Variants in NXPE1 observed in about 807,000 individuals in gnomAD.
NXPE1 encodes the protein NXPE family member 1.
NXPE1 carries 31 observed loss-of-function variants against 33.3 expected under a neutral mutation model. The ratio of observed to expected loss-of-function variants is 0.93; its 90% CI spans 0.70 to 1.26. The LOEUF is 1.26. Among genes scored for constraint, NXPE1 ranks in the 50% most tolerant of loss-of-function variants. NXPE1 has a pLI of 0.00. For missense variants in NXPE1, 661 were observed against 655.6 expected (o/e 1.01, Z -0.09); for synonymous variants, 229 against 231.4 (o/e 0.99, Z 0.09).
intron 7 of NXPE1, among the ~76,000 whole-genome samples, chr11:114,524,549 A>G (rs971927506): frequency 1.3e-5 from 2 of 152,162 alleles, no homozygotes; most frequent in African/African-American, 4.8e-5. Context: ...TCCTATAATT[A>G]TGTTGGAATT....
rs1407997211 is a variant in NXPE1, at chr11:114,551,062, G to A, written c.99+41C>T. 1.3e-5 allele frequency: 14 copies of A among 1,094,764 alleles called. No homozygotes were observed. In the African/African-American group the frequency reaches 2.0e-4, roughly 16 times the overall value. The allele number at this position is 1,094,764 out of a possible 1,614,324, so 67.8% of individuals were successfully genotyped here. ...ACTTGAGGCACGTCACACAGGTGAGGGCTTACTGTGTGATCTGCATCAAAG... is the reference window on the plus strand; with the variant it reads ...ACTTGAGGCACGTCACACAGGTGAGAGCTTACTGTGTGATCTGCATCAAAG... On this transcript the variant is annotated intron_variant, in intron 5 of 8. Transcript: ENST00000534921.
At chr11:114,540,274 A>T (rs1235367330) in intron 5 of NXPE1, among the ~76,000 whole-genome samples, 1 of 152,210 alleles carries the variant, frequency 6.6e-6, no homozygotes, top group African/African-American at 2.4e-5. Flanking sequence ...CAATTTGTTT[A>T]GGAGACTGGA....
rs759265821 is a variant in NXPE1, at chr11:114,522,480, C to A, written c.1132G>T (p.Glu378Ter). Residue 378 changes from glutamate (E) to a stop codon, truncating the protein, a stop_gained, in exon 9 of 9, where the codon GAA becomes TAA. Coordinates refer to ENST00000534921, the Ensembl canonical transcript of NXPE1. LOFTEE classifies it low-confidence loss of function (END_TRUNC). ...AAATGTTTCTTAAAGATTCCAGTTTCATGAAGATCAAAAAACTTCAGTGCT... is the reference window on the plus strand; with the variant it reads ...AAATGTTTCTTAAAGATTCCAGTTTAATGAAGATCAAAAAACTTCAGTGCT... 1.9e-6 allele frequency: 3 copies of A among 1,601,068 alleles called. No homozygotes were observed. The highest frequency in any genetic ancestry group is 1.7e-5 in the Admixed American group (1 of 58,256).
rs1310289921 is a variant in NXPE1, at chr11:114,527,832, C to T, written c.895+8G>A. The T allele has an allele frequency of 6.2e-7, 1 of 1,600,694 alleles. No individual in the cohort carries two copies. Among genetic ancestry groups the T allele is most frequent in the Non-Finnish European group, 8.5e-7 (1 of 1,173,254 alleles). ...AGCATCACCTAACTCAGGACAGAGC[C>T]AACTTACTGTTACAATTAGTGACAT... On this transcript the variant is annotated splice_region_variant and intron_variant, in intron 7 of 8. Coordinates refer to ENST00000534921, the Ensembl canonical transcript of NXPE1.
Position 114,521,953 on chromosome 11 carries a change from T to C in NXPE1, c.*15A>G, listed in dbSNP as rs372529690. ...CAGAGATTGGTTCCTAGTGATTTTG[T>C]ATAGTATTTATCCCTTAGCAAATGT... On this transcript the variant is annotated 3_prime_UTR_variant, in exon 9 of 9. Transcript: ENST00000534921. 45 of 1,569,560 alleles carry C rather than the reference T, an allele frequency of 2.9e-5. No individual in the cohort carries two copies. The African/African-American group carries it at 4.6e-4, about 16-fold the overall frequency.
intron 5 of NXPE1, among the ~76,000 whole-genome samples, chr11:114,541,653 A>G (rs1948100915): frequency 6.6e-6 from 1 of 152,212 alleles, no homozygotes; most frequent in Non-Finnish European, 1.5e-5. Context: ...CCAGAAAGGC[A>G]GGACAATTTG....
chr11:114,532,497 T>G (rs999083157), intron 5 of NXPE1, among the ~76,000 whole-genome samples: 6 of 152,118 alleles, frequency 3.9e-5, no homozygotes, highest in African/African-American at 1.4e-4. Context: ...ATGATAAACC[T>G]TTTTCTATTT....
Position 114,548,276 on chromosome 11 carries a change from A to G in NXPE1, c.99+2827T>C, listed in dbSNP as rs563292822. Reference sequence around the variant, plus strand: ...GACTTATTTATAGCATGCCAAGTGAACAAAGTTAGTAAGGCTATTAAAGAA... The same window carrying G: ...GACTTATTTATAGCATGCCAAGTGAGCAAAGTTAGTAAGGCTATTAAAGAA... On this transcript the variant is annotated intron_variant, in intron 5 of 8. Coordinates refer to ENST00000534921, the Ensembl canonical transcript of NXPE1. Among the ~76,000 whole-genome samples the G allele has an allele frequency of 1.4e-3, 215 of 152,280 alleles. 2 individuals carry two copies. Among genetic ancestry groups the G allele is most frequent in the South Asian group, 6.0e-3 (29 of 4,820 alleles).
chr11:114,520,684 G>A (rs1413372110), downstream of NXPE1, among the ~76,000 whole-genome samples: 1 of 152,184 alleles, frequency 6.6e-6, no homozygotes, highest in Non-Finnish European at 1.5e-5. Flanking sequence ...CTGCCATACT[G>A]TTTTCCATAA....
intron 7 of NXPE1, among the ~76,000 whole-genome samples, chr11:114,525,512 C>G (rs1294340729): frequency 6.6e-6 from 1 of 152,104 alleles, no homozygotes; most frequent in East Asian, 1.9e-4. Flanking sequence ...GAGTCTCTCC[C>G]TCCCATCCCA....
At chr11:114,530,972 G>T in intron 5 of NXPE1, 64 bp from the exon 6 acceptor site, 1 of 1,433,040 alleles carries the variant, frequency 7.0e-7, no homozygotes, top group South Asian at 1.5e-5. Context: ...TACTTATTAT[G>T]AGTTTGAATA....
chr11:114,525,459 T>C (rs1025285212), intron 7 of NXPE1, among the ~76,000 whole-genome samples: 2 of 152,078 alleles, frequency 1.3e-5, no homozygotes, highest in African/African-American at 4.8e-5. Context: ...GAGGCTTTGG[T>C]AGCATTATCT....
intron 6 of NXPE1, chr11:114,528,800 T>C: frequency 1.5e-6 from 1 of 677,610 alleles, no homozygotes; most frequent in Non-Finnish European, 2.7e-6. Context: ...TGGTACCTGA[T>C]TTCCTGCTAT....
At chr11:114,537,231 C>A (rs1018653100) in intron 5 of NXPE1, among the ~76,000 whole-genome samples, 3 of 152,122 alleles carry the variant, frequency 2.0e-5, no homozygotes, top group Admixed American at 2.0e-4. Context: ...AATTCAACAA[C>A]CCTTCATGCT....
chr11:114,519,999 A>G (rs1478356287), downstream of NXPE1, among the ~76,000 whole-genome samples: 1 of 119,278 alleles, frequency 8.4e-6, no homozygotes, highest in Non-Finnish European at 1.7e-5. Flanking sequence ...TATTTTTAGT[A>G]AAGACGGGGT....
chr11:114,540,024 A>C (rs1007302125), intron 5 of NXPE1, among the ~76,000 whole-genome samples: 1 of 152,172 alleles, frequency 6.6e-6, no homozygotes, highest in African/African-American at 2.4e-5. Flanking sequence ...ATGACCTCAC[A>C]TCAGTAAGTA....
At chr11:114,538,013 A>G (rs1396410736) in intron 5 of NXPE1, among the ~76,000 whole-genome samples, 1 of 152,240 alleles carries the variant, frequency 6.6e-6, no homozygotes, top group Admixed American at 6.5e-5. Flanking sequence ...GCATCCCGCT[A>G]CCTGACTTCA....
intron 5 of NXPE1, among the ~76,000 whole-genome samples, chr11:114,549,828 C>T (rs1948412032): frequency 6.6e-6 from 1 of 151,480 alleles, no homozygotes; most frequent in Admixed American, 6.6e-5. Context: ...TCTGAAAAAC[C>T]CCAAAGTATC....
intron 5 of NXPE1, among the ~76,000 whole-genome samples, chr11:114,532,146 G>T (rs1406018144): frequency 3.3e-5 from 5 of 152,126 alleles, no homozygotes; most frequent in African/African-American, 4.8e-5. Context: ...CCAGCATTGG[G>T]CAATAAAACC....
Sources: gnomAD v4.1 joint callset for allele counts (sites outside exome capture counted in the v4.1 genomes callset) on GRCh38, gnomAD v4.1.1 for gene constraint, MANE v1.5 for transcripts, NCBI Gene and HGNC (gene_info 2026-07-23, HGNC 2026-07-21) for gene names.